The following PPFIBP1 variants were observed in gnomAD, a reference collection of about 807,000 sequenced individuals.
PPFIBP1 encodes PPFIB scaffold protein 1.
Under a neutral mutation model 137.8 loss-of-function variants are expected in PPFIBP1, and 112 were observed. The ratio of observed to expected loss-of-function variants is 0.81; its 90% CI spans 0.70 to 0.95. The LOEUF (loss-of-function observed/expected upper bound fraction) is 0.95, where lower values mean the gene tolerates loss of function less well. Ranked by LOEUF, PPFIBP1 falls within the 40% of genes least tolerant of loss-of-function variation. The pLI is 0.00. For synonymous variants in PPFIBP1, 378 were observed against 417.3 expected (o/e 0.91, Z 1.15); for missense variants, 1,083 against 1,196.6 (o/e 0.91, Z 1.40).
At chr12:27,563,874 T>TC (rs1221767206) in intron 1 of PPFIBP1, among the ~76,000 whole-genome samples, 3 of 151,752 alleles carry the variant, frequency 2.0e-5, no homozygotes, top group Non-Finnish European at 4.4e-5. Context: ...CTTCCCTTTT[T>TC]TTTTTTTTTC....
At chr12:27,559,594 G>A (rs943440467) in intron 1 of PPFIBP1, among the ~76,000 whole-genome samples, 4 of 152,252 alleles carry the variant, frequency 2.6e-5, no homozygotes, top group Non-Finnish European at 5.9e-5. Flanking sequence ...ATTTTCTCTT[G>A]TTTCCTAAGG....
chr12:27,550,769 A>G (rs557821811), intron 1 of PPFIBP1, among the ~76,000 whole-genome samples: 4 of 152,256 alleles, frequency 2.6e-5, no homozygotes, highest in African/African-American at 9.6e-5. Context: ...GGCTGATTTC[A>G]AAGTTTGTGG....
chr12:27,626,850 G>A (rs1365255211), intron 2 of PPFIBP1, among the ~76,000 whole-genome samples: 25 of 152,204 alleles, frequency 1.6e-4, no homozygotes, highest in Admixed American at 1.6e-3. Context: ...ACAGGCGTGA[G>A]CCACCATGTC....
In PPFIBP1 at chr12:27,691,742, T is replaced by A. The variant is rs911681571; in HGVS notation, c.2686-7T>A. The stretch of plus-strand genomic sequence containing the variant: ...TTTGGATGTTTTTGTTTGCTTTTCT[T>A]TTAAAGCCAAAGAAACTTGCCTTTA... On this transcript the variant is annotated splice_region_variant and splice_polypyrimidine_tract_variant and intron_variant, in intron 27 of 29. Transcript: ENST00000228425. 6.2e-7 allele frequency: 1 copy of A among 1,602,724 alleles called. No individual in the cohort carries two copies. Among genetic ancestry groups the A allele is most frequent in the Admixed American group, 1.7e-5 (1 of 58,284 alleles).
chr12:27,673,645 A>G, intron 15 of PPFIBP1, 122 bp from the exon 16 acceptor site: 1 of 762,806 alleles, frequency 1.3e-6, no homozygotes. Flanking sequence ...GCCTGATTCC[A>G]GATTTTCTTT....
intron 24 of PPFIBP1, among the ~76,000 whole-genome samples, chr12:27,683,919 C>CTGGGACTACAGGCA (rs1224034926): frequency 4.3e-4 from 65 of 152,078 alleles, no homozygotes; most frequent in African/African-American, 1.3e-3. Flanking sequence ...TCCCAAGTAG[C>CTGGGACTACAGGCA]TGGGACTACA....
In PPFIBP1 at chr12:27,688,422, T is replaced by C. The variant is rs1385667784; in HGVS notation, c.2495T>C (p.Met832Thr). The change falls in exon 26 of 30, where the codon ATG becomes ACG. Residue 832 changes from methionine to threonine, a missense_variant and splice_region_variant. Transcript: ENST00000228425. ...LRGSGVHGGLMVLEPRFNVET... is the reference protein window; with the variant it reads ...LRGSGVHGGLTVLEPRFNVET... ...GGCAGTGGTGTCCATGGTGGGCTCATGGTAAAGCTCTGATTTAATTTAAAA... is the reference window on the plus strand; with the variant it reads ...GGCAGTGGTGTCCATGGTGGGCTCACGGTAAAGCTCTGATTTAATTTAAAA... 6.2e-7 allele frequency: 1 copy of C among 1,613,396 alleles called. No individual in the cohort carries two copies. The highest frequency in any genetic ancestry group is 8.5e-7 in the Non-Finnish European group (1 of 1,179,850).
intron 19 of PPFIBP1, among the ~76,000 whole-genome samples, chr12:27,679,066 GA>G (rs201724064): frequency 1.7e-4 from 26 of 151,628 alleles, no homozygotes; most frequent in African/African-American, 5.8e-4. Context: ...CATGGGGGAA[GA>G]AAAAAAAGCA....
intron 8 of PPFIBP1, among the ~76,000 whole-genome samples, chr12:27,656,371 C>G (rs1429700310): frequency 6.6e-6 from 1 of 152,120 alleles, no homozygotes; most frequent in Non-Finnish European, 1.5e-5. Flanking sequence ...TAAAAGATCT[C>G]TTTTTAATTT....
chr12:27,677,896 A>C (rs181569991), intron 19 of PPFIBP1: 1 of 152,384 alleles, frequency 6.6e-6, no homozygotes, highest in African/African-American at 2.4e-5. Flanking sequence ...CCACCTATCT[A>C]TTCACATGGA....
intron 1 of PPFIBP1, chr12:27,538,129 C>T (rs986271317): frequency 2.0e-5 from 3 of 152,408 alleles, no homozygotes; most frequent in Non-Finnish European, 4.4e-5. Flanking sequence ...GACTCCGGCT[C>T]CAATCCCTGG....
intron 1 of PPFIBP1, among the ~76,000 whole-genome samples, chr12:27,575,776 G>A (rs2050504974): frequency 6.6e-6 from 1 of 152,138 alleles, no homozygotes; most frequent in East Asian, 1.9e-4. Context: ...TTTTCAGTTC[G>A]ATAATGTGTT....
chr12:27,595,886 AATATATAT>A (rs201970397), intron 2 of PPFIBP1, among the ~76,000 whole-genome samples: 44 of 102,464 alleles, frequency 4.3e-4, no homozygotes, highest in African/African-American at 1.4e-3. Context: ...ACAACAACAA[AATATATAT>A]ATATATATAT....
At chr12:27,616,574 C>A (rs954122246) in intron 2 of PPFIBP1, among the ~76,000 whole-genome samples, 3 of 151,996 alleles carry the variant, frequency 2.0e-5, no homozygotes, top group African/African-American at 4.8e-5. Context: ...ATTTTTAGAT[C>A]CAGAAGGTTT....
rs1946828633 is a variant in PPFIBP1 at position 27,551,935 on chromosome 12, T to C, written c.-123-26217T>C. 2.0e-5 allele frequency among the ~76,000 whole-genome samples: 3 copies of C among 152,184 alleles called. No homozygotes were observed. In the South Asian group the frequency reaches 6.2e-4, roughly 32 times the overall value. ...AGACACCGAAAGAGCCTTCAGAACA[T>C]CAAATCATAATTGCTGAGTAGCAGA... On this transcript the variant is annotated intron_variant, in intron 1 of 29. Coordinates refer to ENST00000228425, the MANE Select transcript of PPFIBP1 (RefSeq NM_003622.4).
intron 1 of PPFIBP1, among the ~76,000 whole-genome samples, chr12:27,544,697 A>G (rs529963628): frequency 1.3e-5 from 2 of 152,348 alleles, no homozygotes; most frequent in East Asian, 3.9e-4. Flanking sequence ...ATGAGATACC[A>G]TCTCACGCCC....
chr12:27,665,031 CA>C (rs1291692635), intron 12 of PPFIBP1, among the ~76,000 whole-genome samples: 2 of 151,984 alleles, frequency 1.3e-5, no homozygotes, highest in Non-Finnish European at 2.9e-5. Context: ...CTACTAAATA[CA>C]AAAAAATTAG....
At chr12:27,545,229 G>A (rs1946107110) in intron 1 of PPFIBP1, among the ~76,000 whole-genome samples, 1 of 150,126 alleles carries the variant, frequency 6.7e-6, no homozygotes, top group Non-Finnish European at 1.5e-5. Context: ...ATTGGGGCCT[G>A]TTGGAGGGGT....
intron 1 of PPFIBP1, among the ~76,000 whole-genome samples, chr12:27,575,090 C>T (rs1360265621): frequency 6.6e-6 from 1 of 152,138 alleles, no homozygotes; most frequent in Non-Finnish European, 1.5e-5. Context: ...GCTTTTTAGA[C>T]CAGAGGTCAG....
Sources: gnomAD v4.1 joint callset for allele counts (sites outside exome capture counted in the v4.1 genomes callset) on GRCh38, gnomAD v4.1.1 for gene constraint, MANE v1.5 for transcripts, NCBI Gene and HGNC (gene_info 2026-07-23, HGNC 2026-07-21) for gene names.